INPP5F: variants seen among roughly 807,000 people sequenced by gnomAD.
INPP5F encodes the protein phosphatidylinositide 4-phosphatase SAC2.
INPP5F carries 97 observed loss-of-function variants against 137.2 expected under a neutral mutation model. The observed-to-expected ratio is 0.71, with a 90% CI of 0.60 to 0.84. The LOEUF is 0.84. INPP5F is among the 40% of genes least tolerant of loss of function. The pLI, the probability that INPP5F is intolerant of heterozygous loss-of-function variation, is 0.00. For missense variants in INPP5F, 1,271 were observed against 1,371.9 expected, an observed-to-expected ratio of 0.93 and a Z score of 1.16; for synonymous variants, 504 against 476.9, an observed-to-expected ratio of 1.06 and a Z score of -0.74.
At chr10:119,818,395 C>T (rs996675146) in intron 15 of INPP5F, among the ~76,000 whole-genome samples, 14 of 152,234 alleles carry the variant, frequency 9.2e-5, no homozygotes, top group Non-Finnish European at 1.8e-4. Context: ...TGGCCAGGCA[C>T]GCGGCAGCCA....
At chr10:119,818,051 A>G (rs1851355114) in intron 15 of INPP5F, among the ~76,000 whole-genome samples, 1 of 152,234 alleles carries the variant, frequency 6.6e-6, no homozygotes, top group Non-Finnish European at 1.5e-5. Context: ...GTCGCCGGAT[A>G]CAGAGAACTA....
chr10:119,815,236 T>G (rs910026289), intron 15 of INPP5F: 5 of 152,608 alleles, frequency 3.3e-5, no homozygotes. Context: ...TTCCAATTTG[T>G]TGTCGGATTC....
intron 2 of INPP5F, chr10:119,768,599 A>G (rs557241280): frequency 6.6e-6 from 1 of 152,354 alleles, no homozygotes; most frequent in African/African-American, 2.4e-5. Context: ...CTAGCTCCTC[A>G]AGTCATAATT....
At chr10:119,762,271 T>G (rs1358077980) in intron 2 of INPP5F, among the ~76,000 whole-genome samples, 1 of 152,216 alleles carries the variant, frequency 6.6e-6, no homozygotes, top group Non-Finnish European at 1.5e-5. Flanking sequence ...CTCTGGAGGC[T>G]GGACAGCCTA....
In INPP5F at chr10:119,828,922, C is replaced by T. The variant is rs1052350855; in HGVS notation, c.*1142C>T. On this transcript the variant is annotated 3_prime_UTR_variant, in exon 20 of 20. Transcript: ENST00000650623. ...CTCTGACCACACAGAACCAGGGCTG[C>T]CCCTGTAATCCCCACAGTAAGAAAG... The T allele has an allele frequency of 6.6e-6, 1 of 152,606 alleles. No individual in the cohort carries two copies. The highest frequency in any genetic ancestry group is 1.5e-5 in the Non-Finnish European group (1 of 68,046). The allele number at this position is 152,606 out of a possible 1,614,324, so 9.5% of individuals were successfully genotyped here.
intron 2 of INPP5F, among the ~76,000 whole-genome samples, chr10:119,756,070 T>A (rs184752632): frequency 1.3e-5 from 2 of 150,746 alleles, no homozygotes; most frequent in Admixed American, 6.6e-5. Context: ...GCAGGAGAAT[T>A]GCTTGAGCCC....
chr10:119,779,958 C>G (rs1849649240), intron 2 of INPP5F, among the ~76,000 whole-genome samples: 2 of 152,006 alleles, frequency 1.3e-5, no homozygotes, highest in African/African-American at 4.8e-5. Context: ...ATATGTAAAC[C>G]AGTAACAGTC....
intron 2 of INPP5F, among the ~76,000 whole-genome samples, chr10:119,767,169 C>T (rs1230285691): frequency 7.6e-6 from 1 of 131,794 alleles, no homozygotes; most frequent in Non-Finnish European, 1.6e-5. Flanking sequence ...AAAATGATTC[C>T]AGATGGGAGC....
At chr10:119,778,923 A>G (rs1438971801) in intron 2 of INPP5F, among the ~76,000 whole-genome samples, 1 of 152,120 alleles carries the variant, frequency 6.6e-6, no homozygotes, top group African/African-American at 2.4e-5. Context: ...CCGTTGTTCT[A>G]AGAGTCAGAA....
chr10:119,775,331 C>T (rs549799003), intron 2 of INPP5F, among the ~76,000 whole-genome samples: 9 of 152,126 alleles, frequency 5.9e-5, no homozygotes, highest in Non-Finnish European at 1.2e-4. Context: ...GATCATGGCT[C>T]ACTGCAGCCT....
intron 6 of INPP5F, among the ~76,000 whole-genome samples, chr10:119,794,387 A>G (rs1352450681): frequency 6.6e-6 from 1 of 152,222 alleles, no homozygotes; most frequent in East Asian, 1.9e-4. Flanking sequence ...TTCTTAGTGC[A>G]GAACAAAATG....
intron 8 of INPP5F, among the ~76,000 whole-genome samples, chr10:119,798,287 T>C (rs534895854): frequency 6.6e-6 from 1 of 152,294 alleles, no homozygotes; most frequent in Admixed American, 6.5e-5. Flanking sequence ...GTGAAAACTT[T>C]TCTGAGAAGT....
chr10:119,828,066 T>G lies in INPP5F; in HGVS notation c.*286T>G, dbSNP rs370328568. On this transcript the variant is annotated 3_prime_UTR_variant, in exon 20 of 20. Coordinates refer to ENST00000650623, the MANE Select transcript of INPP5F (RefSeq NM_014937.4). ...GTCACTTTGGGATATAACCTGAACC[T>G]TTTTTTGGAGTGGGGTGGGTAGACT... 382 of 257,060 alleles carry G rather than the reference T, an allele frequency of 1.5e-3. 1 individual carries two copies. The highest frequency in any genetic ancestry group is 9.7e-3 in the Admixed American group (191 of 19,758). 15.9% of individuals were successfully genotyped at this position (257,060 alleles called of 1,614,324 possible). A position where few individuals can be genotyped will look rare whatever the true frequency, so the allele number is the denominator to read the frequency against.
chr10:119,829,037 G>A lies in INPP5F; in HGVS notation c.*1257G>A, dbSNP rs1317468258. 1 of 152,476 alleles carries A rather than the reference G, an allele frequency of 6.6e-6. No individual in the cohort carries two copies. The highest frequency in any genetic ancestry group is 2.4e-5 in the African/African-American group (1 of 41,402). The allele number at this position is 152,476 out of a possible 1,614,324, so 9.4% of individuals were successfully genotyped here. The stretch of plus-strand genomic sequence containing the variant: ...TGACTGATTCTCAACTGAACATTAT[G>A]TCGTTACTTTGATAAGCATTCCACT... On this transcript the variant is annotated 3_prime_UTR_variant, in exon 20 of 20. Coordinates refer to ENST00000650623, the MANE Select transcript of INPP5F (RefSeq NM_014937.4).
At chr10:119,771,472 C>T (rs186924578) in intron 2 of INPP5F, among the ~76,000 whole-genome samples, 19 of 152,076 alleles carry the variant, frequency 1.2e-4, no homozygotes, top group South Asian at 2.1e-4. Context: ...AGGTATTCAG[C>T]GAAGCCTCCC....
intron 2 of INPP5F, among the ~76,000 whole-genome samples, chr10:119,769,476 C>T (rs1024570651): frequency 1.3e-5 from 2 of 151,860 alleles, no homozygotes; most frequent in Admixed American, 1.3e-4. Context: ...GAAGGGATGC[C>T]CAGAAAGCTG....
chr10:119,742,224 C>T (rs1365117619), intron 1 of INPP5F, among the ~76,000 whole-genome samples: 1 of 151,960 alleles, frequency 6.6e-6, no homozygotes, highest in African/African-American at 2.4e-5. Context: ...GGCGCGATCT[C>T]AGCTCACTGC....
rs1003939396 is a variant in INPP5F at position 119,787,796 on chromosome 10, A to G, written c.316-3721A>G. Among the ~76,000 whole-genome samples, 1 of 152,148 alleles carries G rather than the reference A, an allele frequency of 6.6e-6. No individual in the cohort carries two copies. The highest frequency in any genetic ancestry group is 2.4e-5 in the African/African-American group (1 of 41,426). The stretch of plus-strand genomic sequence containing the variant: ...AGTAGCAGGTGGGAATTTGGCCCCT[A>G]CACAGTAAAGAGGACTAACAGGGCT... On this transcript the variant is annotated intron_variant, in intron 3 of 19. Coordinates refer to ENST00000650623, the MANE Select transcript of INPP5F (RefSeq NM_014937.4). The surrounding 1 kb of genome is among the most constrained non-coding windows in gnomAD (Gnocchi z 4.1).
chr10:119,732,635 G>A (rs1564797418), intron 1 of INPP5F, among the ~76,000 whole-genome samples: 1 of 151,442 alleles, frequency 6.6e-6, no homozygotes, highest in East Asian at 1.9e-4. Context: ...TGAGTAGCTG[G>A]GACTACAGGC....
Sources: allele counts gnomAD v4.1 joint callset (sites outside exome capture counted in the v4.1 genomes callset), GRCh38; gene constraint gnomAD v4.1.1; non-coding constraint Gnocchi (gnomAD v3.1); transcripts MANE v1.5; gene names NCBI Gene and HGNC (gene_info 2026-07-23, HGNC 2026-07-21).